The following MCC variants were observed in gnomAD, a reference collection of about 807,000 sequenced individuals.
MCC encodes the protein colorectal mutant cancer protein.
A neutral mutation model predicts 116.2 loss-of-function variants in MCC; 90 were observed. That is an observed-to-expected ratio of 0.77 (90% CI 0.65 to 0.92). The LOEUF is 0.92. MCC is among the 40% of genes least tolerant of loss of function. MCC has a pLI of 0.00. For missense variants in MCC, 1,516 were observed against 1,312.2 expected (o/e 1.16, Z -2.40); for synonymous variants, 578 against 510.5 (o/e 1.13, Z -1.78).
At chr5:113,251,493 C>T (rs1295007168) in intron 3 of MCC, among the ~76,000 whole-genome samples, 1 of 152,158 alleles carries the variant, frequency 6.6e-6, no homozygotes, top group African/African-American at 2.4e-5. Context: ...AGGGGCCTGG[C>T]AGGTAACTAA....
Position 113,447,692 on chromosome 5 carries a change from T to G in MCC, c.170+40553A>C, listed in dbSNP as rs182504240. On this transcript the variant is annotated intron_variant, in intron 1 of 18. Coordinates refer to ENST00000408903, the MANE Select transcript of MCC (RefSeq NM_001085377.2). Reference sequence around the variant, plus strand: ...AAACTTGAGATACTATTAAATTGGCTAAAATTCAAATAAACACATCCTCCC... The same window carrying G: ...AAACTTGAGATACTATTAAATTGGCGAAAATTCAAATAAACACATCCTCCC... Among the ~76,000 whole-genome samples, 39 of 152,186 alleles carry G rather than the reference T, an allele frequency of 2.6e-4. No individual in the cohort carries two copies. The East Asian group carries it at 6.2e-3, about 24-fold the overall frequency.
chr5:113,155,076 A>T (rs1022169941), intron 3 of MCC, among the ~76,000 whole-genome samples: 3 of 152,104 alleles, frequency 2.0e-5, no homozygotes, highest in African/African-American at 4.8e-5. Flanking sequence ...CTATCATTCT[A>T]TTCTCTATCT....
chr5:113,450,979 TTC>T (rs1418508183), intron 1 of MCC, among the ~76,000 whole-genome samples: 2 of 152,132 alleles, frequency 1.3e-5, no homozygotes, highest in African/African-American at 4.8e-5. Flanking sequence ...TTCACCCCCA[TTC>T]TCTCTCTGAC....
intron 3 of MCC, among the ~76,000 whole-genome samples, chr5:113,168,840 C>CT (rs1760913742): frequency 6.6e-6 from 1 of 152,072 alleles, no homozygotes; most frequent in African/African-American, 2.4e-5. Flanking sequence ...TATATTACCC[C>CT]TAAAGTCTAT....
chr5:113,437,334 C>T (rs899179587), intron 1 of MCC, among the ~76,000 whole-genome samples: 7 of 152,148 alleles, frequency 4.6e-5, no homozygotes, highest in African/African-American at 1.2e-4. Context: ...CAGAGCTTTA[C>T]ACACAGTCAT....
intron 3 of MCC, among the ~76,000 whole-genome samples, chr5:113,301,609 T>C (rs1485039362): frequency 2.6e-5 from 4 of 152,088 alleles, no homozygotes; most frequent in South Asian, 2.1e-4. Context: ...GTAGGCCCCT[T>C]AAGTGAACAG....
At chr5:113,085,391 C>T (rs966118485) in intron 8 of MCC, 81 bp from the exon 9 acceptor site, 184 of 1,384,070 alleles carry the variant, frequency 1.3e-4, no homozygotes, top group Non-Finnish European at 1.7e-4. Flanking sequence ...GGTGGTGGGG[C>T]TTTCATTTAC....
intron 14 of MCC, among the ~76,000 whole-genome samples, chr5:113,055,392 T>C (rs931271449): frequency 2.0e-5 from 3 of 152,110 alleles, no homozygotes; most frequent in African/African-American, 7.2e-5. Flanking sequence ...AGCCTAGACA[T>C]GAGTGAGGGC....
intron 1 of MCC, among the ~76,000 whole-genome samples, chr5:113,388,634 G>A (rs1468692790): frequency 3.3e-5 from 5 of 152,096 alleles, no homozygotes; most frequent in Admixed American, 6.5e-5. Flanking sequence ...TTTGCCTTCC[G>A]CCATGATTGG....
chr5:113,143,758 T>C (rs1029852463), intron 4 of MCC, among the ~76,000 whole-genome samples: 2 of 152,190 alleles, frequency 1.3e-5, no homozygotes, highest in Non-Finnish European at 2.9e-5. Flanking sequence ...TGGAGTTGAT[T>C]CAGAAAGCCT....
chr5:113,470,278 G>C (rs1377540803), intron 1 of MCC, among the ~76,000 whole-genome samples: 1 of 152,152 alleles, frequency 6.6e-6, no homozygotes, highest in East Asian at 1.9e-4. Context: ...TCCTAGCCTT[G>C]ATCGTCTTTA....
At chr5:113,311,348 A>G (rs1336869555) in intron 3 of MCC, among the ~76,000 whole-genome samples, 2 of 152,166 alleles carry the variant, frequency 1.3e-5, no homozygotes, top group Non-Finnish European at 2.9e-5. Context: ...TCTCCTCCTT[A>G]GGAGTCTGTC....
chr5:113,086,405 T>C (rs985388287), intron 8 of MCC, among the ~76,000 whole-genome samples: 3 of 152,172 alleles, frequency 2.0e-5, no homozygotes, highest in African/African-American at 4.8e-5. Flanking sequence ...GGGGAAAATA[T>C]TAGGCTAAGA....
intron 6 of MCC, among the ~76,000 whole-genome samples, chr5:113,117,623 C>T (rs1397527440): frequency 2.6e-5 from 4 of 152,210 alleles, no homozygotes; most frequent in Non-Finnish European, 4.4e-5. Context: ...TGCAAAGGCC[C>T]ATACCATCAG....
chr5:113,369,979 A>AGT, intron 2 of MCC, among the ~76,000 whole-genome samples: 1 of 152,188 alleles, frequency 6.6e-6, no homozygotes, highest in African/African-American at 2.4e-5. Context: ...ATAAGACTAA[A>AGT]CATATTCTCT....
chr5:113,362,687 C>T lies in MCC; in HGVS notation c.416-21957G>A, dbSNP rs575323262. Among the ~76,000 whole-genome samples, 9 of 152,094 alleles carry T rather than the reference C, an allele frequency of 5.9e-5. No homozygotes were observed. The East Asian group carries it at 1.7e-3, about 29-fold the overall frequency. On this transcript the variant is annotated intron_variant, in intron 2 of 18. Coordinates refer to ENST00000408903, the MANE Select transcript of MCC (RefSeq NM_001085377.2). ...TGAGACAAATTTTAAATTGTTACATCTTTCTAACAAATTTAATACTTCACC... is the reference window on the plus strand; with the variant it reads ...TGAGACAAATTTTAAATTGTTACATTTTTCTAACAAATTTAATACTTCACC...
intron 6 of MCC, among the ~76,000 whole-genome samples, chr5:113,120,364 A>G (rs1757664486): frequency 6.6e-6 from 1 of 152,174 alleles, no homozygotes; most frequent in African/African-American, 2.4e-5. Context: ...TTCACTCCTC[A>G]ACATAATTCT....
At chr5:113,454,965 T>C (rs543454975) in intron 1 of MCC, among the ~76,000 whole-genome samples, 1 of 152,304 alleles carries the variant, frequency 6.6e-6, no homozygotes, top group South Asian at 2.1e-4. Context: ...CACTCAGAGA[T>C]GTCACTTTCA....
intron 3 of MCC, 128 bp from the exon 4 acceptor site, chr5:113,151,550 G>A (rs1759878150): frequency 1.6e-6 from 1 of 620,478 alleles, no homozygotes; most frequent in Non-Finnish European, 2.9e-6. Flanking sequence ...GAGAATGAAG[G>A]TAAGTGTTAT....
Sources: allele counts gnomAD v4.1 joint callset (sites outside exome capture counted in the v4.1 genomes callset), GRCh38; gene constraint gnomAD v4.1.1; transcripts MANE v1.5; gene names NCBI Gene and HGNC (gene_info 2026-07-23, HGNC 2026-07-21).